Variants in CNTNAP2 observed in about 807,000 individuals in gnomAD.
The protein encoded by CNTNAP2 is contactin associated protein 2.
CNTNAP2 carries 98 observed loss-of-function variants against 155.2 expected under a neutral mutation model. The ratio of observed to expected loss-of-function variants is 0.63; its 90% CI spans 0.54 to 0.75. The LOEUF (loss-of-function observed/expected upper bound fraction) is 0.75. CNTNAP2 is among the 30% of genes least tolerant of loss of function. CNTNAP2 has a pLI of 0.00. For missense variants in CNTNAP2, 1,727 were observed against 1,688.1 expected (o/e 1.02, Z -0.40); for synonymous variants, 651 against 631.2 (o/e 1.03, Z -0.47).
chr7:146,682,729 A>C (rs952356959), intron 1 of CNTNAP2, among the ~76,000 whole-genome samples: 5 of 152,234 alleles, frequency 3.3e-5, no homozygotes, highest in Non-Finnish European at 7.3e-5. Flanking sequence ...TTTTTGGTCA[A>C]CAGACATTTC....
chr7:147,524,730 A>G (rs1799287803), intron 11 of CNTNAP2, among the ~76,000 whole-genome samples: 1 of 152,234 alleles, frequency 6.6e-6, no homozygotes, highest in Non-Finnish European at 1.5e-5. Flanking sequence ...AAGTTAGTGC[A>G]GCATAGGAGT....
intron 1 of CNTNAP2, among the ~76,000 whole-genome samples, chr7:146,632,211 T>C (rs1326250145): frequency 6.6e-6 from 1 of 152,176 alleles, no homozygotes; most frequent in Non-Finnish European, 1.5e-5. Flanking sequence ...TTCTTAGTGA[T>C]TGTATTTTTC....
chr7:147,543,906 C>A (rs1799683123), intron 11 of CNTNAP2, among the ~76,000 whole-genome samples: 1 of 152,148 alleles, frequency 6.6e-6, no homozygotes, highest in Non-Finnish European at 1.5e-5. Flanking sequence ...ATGTTCAATT[C>A]ACCATATCTT....
At chr7:148,254,193 G>T (rs114717044) in intron 20 of CNTNAP2, among the ~76,000 whole-genome samples, 3,593 of 152,136 alleles carry the variant, frequency 0.024, 130 homozygotes, top group African/African-American at 0.08. Context: ...AGTCCCATCC[G>T]TGGCAAGCAG....
At chr7:146,947,213 A>G (rs1228037845) in intron 3 of CNTNAP2, among the ~76,000 whole-genome samples, 1 of 147,954 alleles carries the variant, frequency 6.8e-6, no homozygotes, top group East Asian at 2.0e-4. Flanking sequence ...ATGAAGTTAG[A>G]AAAAAAAAAG....
chr7:147,556,378 C>A (rs1251896766), intron 11 of CNTNAP2, among the ~76,000 whole-genome samples: 2 of 151,946 alleles, frequency 1.3e-5, no homozygotes, highest in Non-Finnish European at 2.9e-5. Context: ...AAATAATGCT[C>A]CCCACCAGAG....
At chr7:146,549,096 A>G (rs1230558409) in intron 1 of CNTNAP2, among the ~76,000 whole-genome samples, 1 of 151,558 alleles carries the variant, frequency 6.6e-6, no homozygotes, top group Admixed American at 6.6e-5. Context: ...AGTTTTGTCA[A>G]CAACATTTGT....
chr7:147,355,712 C>CAT (rs1466208754), intron 9 of CNTNAP2, among the ~76,000 whole-genome samples: 1 of 152,120 alleles, frequency 6.6e-6, no homozygotes, highest in African/African-American at 2.4e-5. Flanking sequence ...TTCCTGGACA[C>CAT]ATACACCCAC....
intron 13 of CNTNAP2, among the ~76,000 whole-genome samples, chr7:147,869,669 G>A (rs1021644889): frequency 3.9e-5 from 6 of 152,284 alleles, no homozygotes; most frequent in Admixed American, 6.5e-5. Flanking sequence ...CTCTTGATCC[G>A]GAGGGATGTA....
intron 11 of CNTNAP2, among the ~76,000 whole-genome samples, chr7:147,537,421 C>A (rs1799562808): frequency 6.6e-6 from 1 of 152,020 alleles, no homozygotes; most frequent in African/African-American, 2.4e-5. Flanking sequence ...TCCAAATGAT[C>A]AACATTAATT....
intron 19 of CNTNAP2, among the ~76,000 whole-genome samples, chr7:148,217,943 G>A (rs1305568983): frequency 2.0e-5 from 3 of 152,184 alleles, no homozygotes; most frequent in Non-Finnish European, 4.4e-5. Context: ...TGGCCAATAT[G>A]GCGAAACCCC....
chr7:146,853,562 C>A (rs1286639025), intron 3 of CNTNAP2, among the ~76,000 whole-genome samples: 1 of 152,134 alleles, frequency 6.6e-6, no homozygotes, highest in South Asian at 2.1e-4. Context: ...CAATAGTAAT[C>A]ACCATGCACT....
intron 13 of CNTNAP2, among the ~76,000 whole-genome samples, chr7:147,834,767 G>A (rs700322): frequency 0.61 from 92,101 of 152,004 alleles, 28,113 homozygotes; most frequent in Middle Eastern, 0.69. Context: ...TACAGTGGAC[G>A]TCATTTATGT....
intron 1 of CNTNAP2, among the ~76,000 whole-genome samples, chr7:146,653,151 T>G (rs1799944284): frequency 6.6e-6 from 1 of 152,124 alleles, no homozygotes; most frequent in Non-Finnish European, 1.5e-5. Flanking sequence ...CTAAAGAGTC[T>G]GCTTCTATTT....
In CNTNAP2 at chr7:148,013,675, C is replaced by T. The variant is rs139314334; in HGVS notation, c.2383+35686C>T. Among the ~76,000 whole-genome samples the T allele has an allele frequency of 3.3e-3, 506 of 152,264 alleles. 4 individuals are homozygous for T. The highest frequency in any genetic ancestry group is 0.011 in the African/African-American group (470 of 41,560). Reference sequence around the variant, plus strand: ...TGAGGAATAGAATTCCCCTGATCACCTTAGCCTAATCAATTTGTATCCATG... The same window carrying T: ...TGAGGAATAGAATTCCCCTGATCACTTTAGCCTAATCAATTTGTATCCATG... On this transcript the variant is annotated intron_variant, in intron 15 of 23. Transcript: ENST00000361727.
At chr7:146,380,643 C>G (rs757980531) in intron 1 of CNTNAP2, among the ~76,000 whole-genome samples, 4 of 151,766 alleles carry the variant, frequency 2.6e-5, no homozygotes, top group Admixed American at 6.6e-5. Context: ...TTGCATTTCC[C>G]ATTACTCTAC....
At chr7:147,113,282 G>T (rs1337375660) in intron 5 of CNTNAP2, among the ~76,000 whole-genome samples, 1 of 151,948 alleles carries the variant, frequency 6.6e-6, no homozygotes, top group Non-Finnish European at 1.5e-5. Context: ...TGAGGTCAGT[G>T]GTGATGCCCC....
intron 1 of CNTNAP2, among the ~76,000 whole-genome samples, chr7:146,560,671 A>C (rs1798267569): frequency 6.6e-6 from 1 of 152,152 alleles, no homozygotes; most frequent in East Asian, 1.9e-4. Flanking sequence ...GAGTGAGAAT[A>C]TGTCAGTTTT....
intron 1 of CNTNAP2, among the ~76,000 whole-genome samples, chr7:146,369,568 A>G (rs1795204237): frequency 6.6e-6 from 1 of 152,180 alleles, no homozygotes. Flanking sequence ...AAAATGTATA[A>G]CAGAAAGGAC....
Sources: gnomAD v4.1 joint callset for allele counts (sites outside exome capture counted in the v4.1 genomes callset) on GRCh38, gnomAD v4.1.1 for gene constraint, MANE v1.5 for transcripts, NCBI Gene and HGNC (gene_info 2026-07-23, HGNC 2026-07-21) for gene names.